Variants in BLOC1S2 observed in about 807,000 individuals in gnomAD.
BLOC1S2 encodes the protein biogenesis of lysosomal organelles complex 1 subunit 2, also known as biogenesis of lysosome-related organelles complex 1 subunit 2.
BLOC1S2 carries 12 observed loss-of-function variants against 19.6 expected under a neutral mutation model. That is an observed-to-expected ratio of 0.61 (90% CI 0.39 to 0.99). The LOEUF is 0.99. Ranked by LOEUF, BLOC1S2 falls within the 50% of genes least tolerant of loss-of-function variation. BLOC1S2 has a pLI of 0.00. For missense variants in BLOC1S2, 142 were observed against 171.0 expected (o/e 0.83, Z 0.95); for synonymous variants, 66 against 64.1 (o/e 1.03, Z -0.14).
chr10:100,281,555 G>T (rs1848101886), intron 2 of BLOC1S2, among the ~76,000 whole-genome samples: 1 of 151,692 alleles, frequency 6.6e-6, no homozygotes, highest in Non-Finnish European at 1.5e-5. Flanking sequence ...GTGGTGGCAG[G>T]CACCTGTAAT....
intron 2 of BLOC1S2, among the ~76,000 whole-genome samples, chr10:100,281,576 C>T (rs934284933): frequency 4.6e-5 from 7 of 151,322 alleles, no homozygotes; most frequent in African/African-American, 1.5e-4. Flanking sequence ...CTCAGCTACT[C>T]GGGAGGCTGA....
chr10:100,286,353 T>C, intron 1 of BLOC1S2, 140 bp from the exon 2 acceptor site: 1 of 1,464,236 alleles, frequency 6.8e-7, no homozygotes, highest in Non-Finnish European at 9.0e-7. Context: ...TTCAAGTCCT[T>C]CACTGCGTCC....
At chr10:100,278,642 G>C (rs546870006) in intron 4 of BLOC1S2, among the ~76,000 whole-genome samples, 1 of 152,358 alleles carries the variant, frequency 6.6e-6, no homozygotes, top group East Asian at 1.9e-4. Flanking sequence ...CAGCATGCTC[G>C]TTAAGAGTCA....
chr10:100,276,586 C>G lies in BLOC1S2; in HGVS notation c.398-1093G>C, dbSNP rs11190450. Among the ~76,000 whole-genome samples, 165 of 151,330 alleles carry G rather than the reference C, an allele frequency of 1.1e-3. 1 individual carries two copies. The East Asian group carries it at 0.03, about 28-fold the overall frequency. On this transcript the variant is annotated intron_variant, in intron 4 of 4. Transcript: ENST00000370372. ...GGACTGTACTGCTGCCATCTCGGCT[C>G]GCTGCAGCCTCCCTGCCTGATTCTC...
chr10:100,279,079 C>T (rs1304961524), intron 4 of BLOC1S2, among the ~76,000 whole-genome samples: 1 of 150,844 alleles, frequency 6.6e-6, no homozygotes, highest in East Asian at 1.9e-4. Context: ...ACAGCAAGAC[C>T]TCATCTCTTA....
chr10:100,277,192 G>T (rs1426603408), intron 4 of BLOC1S2, among the ~76,000 whole-genome samples: 1 of 148,976 alleles, frequency 6.7e-6, no homozygotes, highest in African/African-American at 2.5e-5. Context: ...CTGCCCGGCC[G>T]CCCCGTCTGA....
chr10:100,277,771 C>G (rs1436237325), intron 4 of BLOC1S2, among the ~76,000 whole-genome samples: 1 of 132,508 alleles, frequency 7.5e-6, no homozygotes, highest in African/African-American at 2.9e-5. Context: ...TCTGCCTGGC[C>G]GCCCCTACTG....
chr10:100,284,793 A>AT (rs1354409396), intron 2 of BLOC1S2, among the ~76,000 whole-genome samples: 2 of 151,672 alleles, frequency 1.3e-5, no homozygotes, highest in African/African-American at 2.4e-5. Context: ...GCCTGGCCAT[A>AT]TTTTTTTAAA....
intron 2 of BLOC1S2, among the ~76,000 whole-genome samples, chr10:100,281,693 A>AAAAT (rs71013438): frequency 0.055 from 7,632 of 138,802 alleles, 329 homozygotes; most frequent in African/African-American, 0.079. Context: ...AAAAAAAAAA[A>AAAAT]ATATATATAT....
chr10:100,281,593 G>T (rs1416205931), intron 2 of BLOC1S2, among the ~76,000 whole-genome samples: 1 of 151,544 alleles, frequency 6.6e-6, no homozygotes, highest in African/African-American at 2.4e-5. Flanking sequence ...CTGAGGCAGA[G>T]AATTGCTTGA....
intron 2 of BLOC1S2, among the ~76,000 whole-genome samples, chr10:100,285,292 C>T (rs776369112): frequency 6.6e-6 from 1 of 152,046 alleles, no homozygotes; most frequent in African/African-American, 2.4e-5. Flanking sequence ...CACACTCTGT[C>T]GCCCAGGCTG....
intron 4 of BLOC1S2, among the ~76,000 whole-genome samples, chr10:100,279,213 A>G (rs1848034507): frequency 1.3e-5 from 2 of 152,208 alleles, no homozygotes; most frequent in African/African-American, 4.8e-5. Flanking sequence ...TTCTTCCTCA[A>G]AGGAAAAGTG....
chr10:100,275,379 A>G lies in BLOC1S2; in HGVS notation c.*83T>C. On this transcript the variant is annotated 3_prime_UTR_variant, in exon 5 of 5. Coordinates refer to ENST00000370372, the MANE Select transcript of BLOC1S2 (RefSeq NM_173809.5). Reference sequence around the variant, plus strand: ...AATTTCCTTTTGAGGAATTTTCACAATTCATCAGCCTCAGGATTCAGGTTT... The same window carrying G: ...AATTTCCTTTTGAGGAATTTTCACAGTTCATCAGCCTCAGGATTCAGGTTT... 7.2e-7 allele frequency: 1 copy of G among 1,397,144 alleles called. No individual in the cohort carries two copies. The highest frequency in any genetic ancestry group is 2.3e-5 in the East Asian group (1 of 43,386). 86.5% of individuals were successfully genotyped at this position (1,397,144 alleles called of 1,614,324 possible). A position where few individuals can be genotyped will look rare whatever the true frequency, so the allele number is the denominator to read the frequency against.
chr10:100,275,254 A>G lies in BLOC1S2; in HGVS notation c.*208T>C. On this transcript the variant is annotated 3_prime_UTR_variant, in exon 5 of 5. Coordinates refer to ENST00000370372, the MANE Select transcript of BLOC1S2 (RefSeq NM_173809.5). ...TTCAAGTAAAAGGTAGGAAGTTATA[A>G]GTGTGAGATTCTGAGGGATTCTGTC... 1 of 496,542 alleles carries G rather than the reference A, an allele frequency of 2.0e-6. No homozygotes were observed. The highest frequency in any genetic ancestry group is 3.6e-6 in the Non-Finnish European group (1 of 278,364). The allele number at this position is 496,542 out of a possible 1,614,324, so 30.8% of individuals were successfully genotyped here.
intron 2 of BLOC1S2, among the ~76,000 whole-genome samples, chr10:100,281,693 A>AAAAAT (rs71013438): frequency 0.023 from 3,196 of 138,850 alleles, 88 homozygotes; most frequent in East Asian, 0.059. Context: ...AAAAAAAAAA[A>AAAAAT]ATATATATAT....
chr10:100,285,490 G>A (rs533417719), intron 2 of BLOC1S2, among the ~76,000 whole-genome samples: 2 of 152,298 alleles, frequency 1.3e-5, no homozygotes, highest in Non-Finnish European at 2.9e-5. Flanking sequence ...TCAAACTCCT[G>A]ACCTCAAGTG....
intron 2 of BLOC1S2, among the ~76,000 whole-genome samples, chr10:100,285,503 C>A (rs984672641): frequency 2.0e-5 from 3 of 152,194 alleles, no homozygotes; most frequent in Non-Finnish European, 4.4e-5. Flanking sequence ...CTCAAGTGAT[C>A]CACCAGCCTC....
rs765622528 is a variant in BLOC1S2 at position 100,286,060 on chromosome 10, C to G, written c.172+37G>C. 13 of 1,609,370 alleles carry G rather than the reference C, an allele frequency of 8.1e-6. No individual in the cohort carries two copies. In the Middle Eastern group the frequency reaches 1.5e-3, roughly 185 times the overall value. The stretch of plus-strand genomic sequence containing the variant: ...CTAACCATCTCCCAGGCCTCCTGGG[C>G]CAAACCGCACCCGAATCAACCCAGA... On this transcript the variant is annotated intron_variant, in intron 2 of 4. Coordinates refer to ENST00000370372, the MANE Select transcript of BLOC1S2 (RefSeq NM_173809.5).
chr10:100,286,086 C>T lies in BLOC1S2; in HGVS notation c.172+11G>A, dbSNP rs559742801. 6.2e-7 allele frequency: 1 copy of T among 1,613,410 alleles called. No homozygotes were observed. Among genetic ancestry groups the T allele is most frequent in the South Asian group, 1.1e-5 (1 of 90,966 alleles). Reference sequence around the variant, plus strand: ...CAAACCGCACCCGAATCAACCCAGACCCCGCCTCACCCGTCAGTTCCCCAG... The same window carrying T: ...CAAACCGCACCCGAATCAACCCAGATCCCGCCTCACCCGTCAGTTCCCCAG... On this transcript the variant is annotated intron_variant, in intron 2 of 4. Coordinates refer to ENST00000370372, the MANE Select transcript of BLOC1S2 (RefSeq NM_173809.5).
Sources: allele counts gnomAD v4.1 joint callset (sites outside exome capture counted in the v4.1 genomes callset), GRCh38; gene constraint gnomAD v4.1.1; transcripts MANE v1.5; gene names NCBI Gene and HGNC (gene_info 2026-07-23, HGNC 2026-07-21).